The following CDH23 variants were observed in gnomAD, a reference collection of about 807,000 sequenced individuals.
CDH23 encodes cadherin-23.
A neutral mutation model predicts 317.1 loss-of-function variants in CDH23; 189 were observed. That is an observed-to-expected ratio of 0.60 (90% CI 0.53 to 0.67). The LOEUF (loss-of-function observed/expected upper bound fraction) is 0.67. Ranked by LOEUF, CDH23 falls within the 30% of genes least tolerant of loss-of-function variation. The pLI, the probability that CDH23 is intolerant of heterozygous loss-of-function variation, is 0.00. For missense variants in CDH23, 4,401 were observed against 4,592.4 expected (o/e 0.96, Z 1.20); for synonymous variants, 1,839 against 1,876.8 (o/e 0.98, Z 0.52).
intron 6 of CDH23, among the ~76,000 whole-genome samples, chr10:71,520,842 CCTGTGACATGGAGGCCCA>C (rs753274146): frequency 1.6e-4 from 24 of 152,162 alleles, no homozygotes; most frequent in Admixed American, 7.2e-4. Flanking sequence ...CCTGGCAGCC[CCTGTGACATGGAGGCCCA>C]CCACACAATA....
At chr10:71,497,913 T>C (rs1471602169) in intron 3 of CDH23, among the ~76,000 whole-genome samples, 1 of 152,210 alleles carries the variant, frequency 6.6e-6, no homozygotes, top group African/African-American at 2.4e-5. Context: ...CTCCCTCCCC[T>C]GTGTGCATCG....
At chr10:71,547,997 G>C (rs900563834) in intron 6 of CDH23, among the ~76,000 whole-genome samples, 2 of 152,248 alleles carry the variant, frequency 1.3e-5, no homozygotes, top group Non-Finnish European at 1.5e-5. Flanking sequence ...GTCGGAGGCT[G>C]GCCGCTGCTC....
At chr10:71,664,767 A>G (rs750549158) in intron 14 of CDH23, among the ~76,000 whole-genome samples, 1 of 152,058 alleles carries the variant, frequency 6.6e-6, no homozygotes, top group African/African-American at 2.4e-5. Context: ...CTCAGAGCAG[A>G]TATTACTGTG....
chr10:71,763,447 T>A (rs1840449864), intron 38 of CDH23, among the ~76,000 whole-genome samples: 1 of 152,188 alleles, frequency 6.6e-6, no homozygotes, highest in South Asian at 2.1e-4. Context: ...AGAACCAATA[T>A]AATGCCACAT....
chr10:71,805,674 C>A, intron 55 of CDH23, 132 bp from the exon 56 acceptor site: 3 of 868,942 alleles, frequency 3.5e-6, no homozygotes, highest in Non-Finnish European at 1.7e-6. Context: ...AGCAGGCAGG[C>A]GCTCCTGGCG....
chr10:71,690,846 T>C (rs1865161470), intron 20 of CDH23, among the ~76,000 whole-genome samples: 1 of 152,220 alleles, frequency 6.6e-6, no homozygotes, highest in Non-Finnish European at 1.5e-5. Context: ...TGCTCCATCT[T>C]ACAAAGAGCT....
At chr10:71,533,466 G>A (rs974529592) in intron 6 of CDH23, among the ~76,000 whole-genome samples, 2 of 151,732 alleles carry the variant, frequency 1.3e-5, no homozygotes, top group Non-Finnish European at 2.9e-5. Context: ...AGAAGCCTGT[G>A]GTCTAATGAG....
At chr10:71,564,025 CA>C (rs994071192) in intron 6 of CDH23, among the ~76,000 whole-genome samples, 1 of 152,038 alleles carries the variant, frequency 6.6e-6, no homozygotes, top group African/African-American at 2.4e-5. Context: ...AAACTGAGGC[CA>C]AAAAGAGGTT....
At chr10:71,803,544 A>G in intron 55 of CDH23, 124 bp downstream of exon 55, 1 of 847,224 alleles carries the variant, frequency 1.2e-6, no homozygotes, top group Non-Finnish European at 1.8e-6. Flanking sequence ...GCTCCAGGAA[A>G]AAAAAAACTT....
At chr10:71,641,384 C>T (rs1006218617) in intron 11 of CDH23, among the ~76,000 whole-genome samples, 1 of 152,216 alleles carries the variant, frequency 6.6e-6, no homozygotes, top group African/African-American at 2.4e-5. Context: ...CTCCCTCTCC[C>T]CTGCTGCAGA....
At chr10:71,525,622 G>A (rs945570971) in intron 6 of CDH23, among the ~76,000 whole-genome samples, 4 of 152,180 alleles carry the variant, frequency 2.6e-5, no homozygotes, top group African/African-American at 9.7e-5. Context: ...CCAGCTGCAG[G>A]CAGGAACCCA....
intron 22 of CDH23, among the ~76,000 whole-genome samples, chr10:71,700,534 A>C (rs1221642101): frequency 1.3e-5 from 2 of 152,230 alleles, no homozygotes; most frequent in Non-Finnish European, 2.9e-5. Flanking sequence ...TCCTGTTTGC[A>C]AAATGGGGGT....
Position 71,810,478 on chromosome 10 carries a change from G to A in CDH23, c.8986G>A (p.Val2996Met), listed in dbSNP as rs1294837134. ...AATACCCCTTCTCATCTAGTTCCAT[G>A]TGGACAAGAAGGGCCGGGTGAACTT... ...IVNTDNVQFH[V>M]DKKGRVNFAQ... The change falls in exon 62 of 70, where the codon GTG (valine) becomes ATG (methionine). Residue 2996 changes from valine to methionine, a missense_variant. Val to Met is a conservative substitution (Grantham distance 21, BLOSUM62 1). Around this residue, in one of 3 missense-constraint regions of CDH23, gnomAD observed 1,144 missense variants for 1,138.2 expected, o/e 1.01. Transcript: ENST00000224721. 5.6e-6 allele frequency: 9 copies of A among 1,613,848 alleles called. No individual in the cohort carries two copies. The highest frequency in any genetic ancestry group is 7.6e-6 in the Non-Finnish European group (9 of 1,179,866).
intron 38 of CDH23, chr10:71,755,534 G>A: frequency 7.0e-7 from 1 of 1,437,360 alleles, no homozygotes; most frequent in African/African-American, 1.4e-5. Context: ...ATAAACTGAG[G>A]CTCAGAGAGG....
chr10:71,433,415 G>C (rs1849484814), intron 1 of CDH23, among the ~76,000 whole-genome samples: 1 of 152,146 alleles, frequency 6.6e-6, no homozygotes, highest in African/African-American at 2.4e-5. Context: ...CAGGCTCTTT[G>C]GACAATTTTC....
intron 2 of CDH23, among the ~76,000 whole-genome samples, chr10:71,443,542 C>T (rs188617507): frequency 2.0e-5 from 3 of 152,252 alleles, no homozygotes; most frequent in African/African-American, 7.2e-5. Context: ...ACATGCCCTC[C>T]CGGTCTGCCT....
intron 1 of CDH23, among the ~76,000 whole-genome samples, chr10:71,425,026 C>T (rs1403669692): frequency 6.6e-6 from 1 of 152,056 alleles, no homozygotes; most frequent in Non-Finnish European, 1.5e-5. Flanking sequence ...AGAGATCTGC[C>T]ACCTTGCCCA....
intron 11 of CDH23, among the ~76,000 whole-genome samples, chr10:71,634,227 C>T (rs1480745131): frequency 2.0e-5 from 3 of 152,244 alleles, no homozygotes; most frequent in Non-Finnish European, 4.4e-5. Flanking sequence ...GCGGTGCTGC[C>T]CCTCAGGCCC....
intron 29 of CDH23, among the ~76,000 whole-genome samples, chr10:71,724,801 C>T (rs907614356): frequency 6.6e-6 from 1 of 152,188 alleles, no homozygotes; most frequent in South Asian, 2.1e-4. Flanking sequence ...ATGTGCTGAT[C>T]CTCCCACTTC....
Sources: gnomAD v4.1 joint callset for allele counts (sites outside exome capture counted in the v4.1 genomes callset) on GRCh38, gnomAD v4.1.1 for gene constraint, gnomAD v4.1.1 regional missense constraint, MANE v1.5 for transcripts, NCBI Gene and HGNC (gene_info 2026-07-23, HGNC 2026-07-21) for gene names.